ABCA4: variants seen among roughly 807,000 people sequenced by gnomAD.
ABCA4 encodes the protein retinal-specific phospholipid-transporting ATPase ABCA4.
ABCA4 carries 196 observed loss-of-function variants against 263.7 expected under a neutral mutation model. That is an observed-to-expected ratio of 0.74 (90% confidence interval 0.66 to 0.84). The LOEUF (loss-of-function observed/expected upper bound fraction) is 0.84. ABCA4 is among the 40% of genes least tolerant of loss of function. The pLI, the probability that ABCA4 is intolerant of heterozygous loss-of-function variation, is 0.00. For missense variants in ABCA4, 2,792 were observed against 2,855.1 expected (o/e 0.98, Z 0.50); for synonymous variants, 1,133 against 1,094.2 (o/e 1.04, Z -0.70).
rs371129936 is a variant in ABCA4 at position 94,074,740 on chromosome 1, A to G, written c.1554+2950T>C. Among the ~76,000 whole-genome samples, 100 of 152,380 alleles carry G rather than the reference A, an allele frequency of 6.6e-4. 1 individual carries two copies. The South Asian group carries it at 0.017, about 25-fold the overall frequency. ...TTTTACACTGTTGGTGGGAATGTAA[A>G]TTAGTTCAACCATTGTGGAAGATAG... On this transcript the variant is annotated intron_variant, in intron 11 of 49. Coordinates refer to ENST00000370225, the MANE Select transcript of ABCA4 (RefSeq NM_000350.3).
At chr1:94,073,299 C>A (rs2101093953) in intron 11 of ABCA4, among the ~76,000 whole-genome samples, 1 of 152,248 alleles carries the variant, frequency 6.6e-6, no homozygotes, top group African/African-American at 2.4e-5. Flanking sequence ...GATCAGAAAC[C>A]ACATCATCAC....
chr1:94,096,545 G>A (rs1271201063), intron 6 of ABCA4, among the ~76,000 whole-genome samples: 2 of 152,226 alleles, frequency 1.3e-5, no homozygotes, highest in Non-Finnish European at 2.9e-5. Context: ...GGTCTGCAAG[G>A]GTGACAGGTC....
At chr1:94,060,379 C>T (rs1661086053) in intron 14 of ABCA4, among the ~76,000 whole-genome samples, 158 bp downstream of exon 14, 1 of 152,162 alleles carries the variant, frequency 6.6e-6, no homozygotes, top group Non-Finnish European at 1.5e-5. Context: ...GATTTCGTCT[C>T]TTTGAGTGTC....
intron 26 of ABCA4, among the ~76,000 whole-genome samples, chr1:94,034,201 A>G (rs188290826): frequency 5.3e-5 from 8 of 152,200 alleles, no homozygotes; most frequent in Admixed American, 1.3e-4. Context: ...AGCTGACCCA[A>G]TCATTACCTC....
chr1:94,025,019 T>G lies in ABCA4; in HGVS notation c.4569A>C (p.Gln1523His). 6.2e-7 allele frequency: 1 copy of G among 1,614,252 alleles called. No homozygotes were observed. Among genetic ancestry groups the G allele is most frequent in the Non-Finnish European group, 8.5e-7 (1 of 1,180,030 alleles). ...CGGAGATGTTCCTGTCCGTCAGGTC[T>G]TGTAGAATTTCCGTGCTGCGCTGTG... ...QRTQRSTEIL[Q>H]DLTDRNISDF... The change falls in exon 31 of 50, where the codon CAA becomes CAC. Residue 1523 changes from glutamine (Q) to histidine (H), a missense_variant. Transcript: ENST00000370225.
chr1:94,028,675 A>G (rs7547334), intron 30 of ABCA4, among the ~76,000 whole-genome samples: 84,043 of 151,342 alleles, frequency 0.56, 23,517 homozygotes, highest in African/African-American at 0.62. Context: ...GGTAGGCAGA[A>G]GTGGGTAGAT....
At position 94,066,018 on chromosome 1, in the gene ABCA4, G is replaced by A. The variant is rs185905110; in HGVS notation, c.1555-2701C>T. On this transcript the variant is annotated intron_variant, in intron 11 of 49. Coordinates refer to ENST00000370225, the MANE Select transcript of ABCA4 (RefSeq NM_000350.3). The stretch of plus-strand genomic sequence containing the variant: ...ACATTGACCAGTCCTTAAATGAGAT[G>A]TAGGACTTAAACAGGTCACACACCA... Among the ~76,000 whole-genome samples the A allele has an allele frequency of 6.0e-4, 91 of 152,342 alleles. 1 individual carries two copies. The highest frequency in any genetic ancestry group is 2.1e-3 in the African/African-American group (87 of 41,572).
chr1:94,088,410 CT>C (rs1661888200), intron 6 of ABCA4, among the ~76,000 whole-genome samples: 1 of 152,202 alleles, frequency 6.6e-6, no homozygotes. Context: ...ATCATTTAAT[CT>C]GCTACCTTTT....
At chr1:94,013,599 T>A (rs1659633460) in intron 38 of ABCA4, among the ~76,000 whole-genome samples, 1 of 152,146 alleles carries the variant, frequency 6.6e-6, no homozygotes, top group African/African-American at 2.4e-5. Flanking sequence ...CGGTGGGGAC[T>A]GGGAGTGTGG....
In ABCA4 at chr1:94,062,591, G is replaced by GC. The variant is rs1256814849; in HGVS notation, c.1922dup (p.Cys641TrpfsTer125). 1 of 1,612,612 alleles carries GC rather than the reference G, an allele frequency of 6.2e-7. No homozygotes were observed. The highest frequency in any genetic ancestry group is 2.2e-5 in the East Asian group (1 of 44,778). On this transcript the variant is annotated frameshift_variant, in exon 13 of 50. Transcript: ENST00000370225. LOFTEE classifies it high-confidence loss of function. Reference sequence around the variant, plus strand: ...TTCAGACTCACGAATCGTCCACGAAGCAGGGGTAGGGCATCTGCTGGAGGT... The same window carrying GC: ...TTCAGACTCACGAATCGTCCACGAAGCCAGGGGTAGGGCATCTGCTGGAGGT...
At chr1:94,034,764 T>C (rs1314500723) in intron 26 of ABCA4, among the ~76,000 whole-genome samples, 1 of 152,062 alleles carries the variant, frequency 6.6e-6, no homozygotes, top group Non-Finnish European at 1.5e-5. Flanking sequence ...CTGCCCTGCC[T>C]GCTTCATAAG....
In ABCA4 at chr1:94,069,975, C is replaced by G. The variant is rs181255129; in HGVS notation, c.1555-6658G>C. On this transcript the variant is annotated intron_variant, in intron 11 of 49. Transcript: ENST00000370225. ...TCAAGTTGGAGGACAAAGATTCACA[C>G]TGGGGCAAAGCCACGAGGTAATGCC... Among the ~76,000 whole-genome samples, 3 of 152,252 alleles carry G rather than the reference C, an allele frequency of 2.0e-5. No individual in the cohort carries two copies. In the South Asian group the frequency reaches 6.2e-4, roughly 32 times the overall value.
chr1:94,071,978 T>C (rs1194554687), intron 11 of ABCA4, among the ~76,000 whole-genome samples: 1 of 152,248 alleles, frequency 6.6e-6, no homozygotes, highest in Admixed American at 6.5e-5. Context: ...ATAGGACAGA[T>C]AATTCACAAA....
chr1:94,003,935 G>A (rs1246979142), intron 44 of ABCA4, among the ~76,000 whole-genome samples: 1 of 152,110 alleles, frequency 6.6e-6, no homozygotes, highest in African/African-American at 2.4e-5. Context: ...ACCATGCCCA[G>A]CCCCTTATTT....
In ABCA4 at chr1:94,060,719, C is replaced by T. The variant is rs1011974288; in HGVS notation, c.1978G>A (p.Val660Met). 6.2e-7 allele frequency: 1 copy of T among 1,613,896 alleles called. No individual in the cohort carries two copies. Among genetic ancestry groups the T allele is most frequent in the Middle Eastern group, 1.6e-4 (1 of 6,062 alleles). The change falls in exon 14 of 50, where the codon GTG (valine) becomes ATG (methionine). Residue 660 changes from valine (V) to methionine (M), a missense_variant. Physicochemically the swap from Val to Met is conservative, Grantham distance 21. Coordinates refer to ENST00000370225, the MANE Select transcript of ABCA4 (RefSeq NM_000350.3). ...GAGACAGAGTAGATCCATGCCAGCA[C>T]CATGAAGATAGGGAAACAGCGGTTC... The part of the protein sequence containing the change: ...ILNRCFPIFM[V>M]LAWIYSVSMT...
rs546074600 is a variant in ABCA4 at position 94,000,256 on chromosome 1, C to T, written c.6479+580G>A. Among the ~76,000 whole-genome samples, 13 of 152,320 alleles carry T rather than the reference C, an allele frequency of 8.5e-5. No individual in the cohort carries two copies. In the East Asian group the frequency reaches 2.3e-3, roughly 27 times the overall value. On this transcript the variant is annotated intron_variant, in intron 47 of 49. Coordinates refer to ENST00000370225, the MANE Select transcript of ABCA4 (RefSeq NM_000350.3). The stretch of plus-strand genomic sequence containing the variant: ...ATGAGCACGGCAATATGCTGATAAT[C>T]TTAAACTGTTAGCTTTGGCATGCAA...
intron 43 of ABCA4, among the ~76,000 whole-genome samples, chr1:94,006,812 C>A (rs4147860): frequency 6.6e-6 from 1 of 152,194 alleles, no homozygotes; most frequent in African/African-American, 2.4e-5. Context: ...AGATGCTGGA[C>A]AGATGTCAGC....
In ABCA4 at chr1:94,062,975, T is replaced by A. The variant is rs1661172736; in HGVS notation, c.1760+137A>T. The A allele has an allele frequency of 3.7e-6, 4 of 1,088,764 alleles. No individual in the cohort carries two copies. In the South Asian group the frequency reaches 4.0e-5, roughly 11 times the overall value. The allele number at this position is 1,088,764 out of a possible 1,614,324, so 67.4% of individuals were successfully genotyped here. A position where few individuals can be genotyped will look rare whatever the true frequency, so the allele number is the denominator to read the frequency against. On this transcript the variant is annotated intron_variant, in intron 12 of 49. Transcript: ENST00000370225. ...TTCATTCAAGGACTCTTTGTTGAGCTTTATAAAATATCTTATTTTTTCTTA... is the reference window on the plus strand; with the variant it reads ...TTCATTCAAGGACTCTTTGTTGAGCATTATAAAATATCTTATTTTTTCTTA...
chr1:94,054,885 C>G (rs866016933), intron 16 of ABCA4, among the ~76,000 whole-genome samples: 9 of 152,096 alleles, frequency 5.9e-5, no homozygotes, highest in African/African-American at 1.9e-4. Context: ...AAGAGACTGG[C>G]ATTGGGAAGG....
Sources: gnomAD v4.1 joint callset for allele counts (sites outside exome capture counted in the v4.1 genomes callset) on GRCh38, gnomAD v4.1.1 for gene constraint, MANE v1.5 for transcripts, NCBI Gene and HGNC (gene_info 2026-07-23, HGNC 2026-07-21) for gene names.